The following ERICH6B variants were observed in gnomAD, a reference collection of about 807,000 sequenced individuals.
ERICH6B encodes glutamate rich 6B.
Under a neutral mutation model 80.0 loss-of-function variants are expected in ERICH6B, and 69 were observed. The ratio of observed to expected loss-of-function variants is 0.86; its 90% CI spans 0.71 to 1.05. ERICH6B has a LOEUF of 1.05. Among genes scored for constraint, ERICH6B ranks in the 50% least tolerant of loss-of-function variants. The pLI, the probability that ERICH6B is intolerant of heterozygous loss-of-function variation, is 0.00. For synonymous variants in ERICH6B, 283 were observed against 291.9 expected, an observed-to-expected ratio of 0.97 and a Z score of 0.31; for missense variants, 754 against 796.1, an observed-to-expected ratio of 0.95 and a Z score of 0.64.
At chr13:45,615,453 A>G (rs1214260938) in intron 1 of ERICH6B, among the ~76,000 whole-genome samples, 1 of 152,210 alleles carries the variant, frequency 6.6e-6, no homozygotes, top group East Asian at 1.9e-4. Flanking sequence ...CAATGGGAAG[A>G]AGCTGGGTCG....
chr13:45,574,720 A>G (rs747652), intron 8 of ERICH6B, 122 bp downstream of exon 8: 410,526 of 712,890 alleles, frequency 0.58, 123,526 homozygotes, highest in African/African-American at 0.84. Flanking sequence ...GGATATATGA[A>G]GCAAAAAGAA....
intron 2 of ERICH6B, among the ~76,000 whole-genome samples, chr13:45,598,458 C>T (rs74562144): frequency 0.015 from 2,330 of 152,216 alleles, 28 homozygotes; most frequent in Non-Finnish European, 0.026. Flanking sequence ...CTTCTGCTTG[C>T]TTTGGGGACT....
intron 2 of ERICH6B, among the ~76,000 whole-genome samples, chr13:45,604,275 T>C (rs1229096729): frequency 6.6e-6 from 1 of 152,242 alleles, no homozygotes; most frequent in African/African-American, 2.4e-5. Flanking sequence ...ATCCAAATAA[T>C]TTTTCATTGA....
rs1182282893 is a variant in ERICH6B, at chr13:45,568,446, CA to C, written c.1055del (p.Leu352Ter). 6.6e-7 allele frequency: 1 copy of C among 1,506,558 alleles called. No individual in the cohort carries two copies. The highest frequency in any genetic ancestry group is 2.4e-5 in the Admixed American group (1 of 40,934). The allele number at this position is 1,506,558 out of a possible 1,614,324, so 93.3% of individuals were successfully genotyped here. A position where few individuals can be genotyped will look rare whatever the true frequency, so the allele number is the denominator to read the frequency against. Reference protein sequence around the residue: ...LEVEDLDENFLNSSYQTVFKT... With the variant: ...LEVEDLDENFXNSSYQTVFKT... ...TAAATACTGTCTGATAGGAGCTGTT[CA>C]AAAACTACAAAAGGATCAAAGAATG... On this transcript the variant is annotated frameshift_variant, in exon 9 of 15. Transcript: ENST00000298738. LOFTEE classifies it high-confidence loss of function.
intron 5 of ERICH6B, 91 bp downstream of exon 5, chr13:45,586,972 C>G (rs955390713): frequency 7.4e-7 from 1 of 1,347,456 alleles, no homozygotes; most frequent in Admixed American, 2.6e-5. Context: ...AGGCAATACT[C>G]GAGCCACAAT....
intron 5 of ERICH6B, among the ~76,000 whole-genome samples, chr13:45,583,667 C>T (rs1039436414): frequency 6.6e-6 from 1 of 152,154 alleles, no homozygotes; most frequent in African/African-American, 2.4e-5. Context: ...CGGTTTCCCC[C>T]ATACTGTTCT....
At chr13:45,611,047 A>G (rs910720528) in intron 1 of ERICH6B, among the ~76,000 whole-genome samples, 1 of 152,144 alleles carries the variant, frequency 6.6e-6, no homozygotes, top group Non-Finnish European at 1.5e-5. Flanking sequence ...TAGTTAATGA[A>G]GCAATTTCAT....
chr13:45,551,749 A>C (rs1034131262), intron 11 of ERICH6B: 3 of 152,248 alleles, frequency 2.0e-5, no homozygotes, highest in Admixed American at 2.0e-4. Context: ...CCTCATCAGT[A>C]GATTAATAAT....
At chr13:45,557,455 T>C (rs1207985682) in intron 11 of ERICH6B, among the ~76,000 whole-genome samples, 1 of 152,216 alleles carries the variant, frequency 6.6e-6, no homozygotes, top group African/African-American at 2.4e-5. Flanking sequence ...GCTATTTATC[T>C]TGGTTTTTAT....
At chr13:45,602,720 A>C (rs895130932) in intron 2 of ERICH6B, among the ~76,000 whole-genome samples, 5 of 152,038 alleles carry the variant, frequency 3.3e-5, no homozygotes, top group African/African-American at 1.2e-4. Flanking sequence ...CTTCTCTTTC[A>C]TTCTCACCCA....
At chr13:45,562,138 CT>C (rs1438084822) in intron 10 of ERICH6B, among the ~76,000 whole-genome samples, 1 of 152,214 alleles carries the variant, frequency 6.6e-6, no homozygotes, top group African/African-American at 2.4e-5. Context: ...CCCTGGCTCA[CT>C]GCAACCTCTG....
chr13:45,585,800 C>T (rs2985949), intron 5 of ERICH6B, among the ~76,000 whole-genome samples: 2,192 of 152,302 alleles, frequency 0.014, 63 homozygotes, highest in Admixed American at 0.073. Context: ...ATTACAACCT[C>T]AATGAAATGC....
Position 45,544,949 on chromosome 13 carries a change from G to C in ERICH6B, c.1683C>G (p.Pro561=). Residue 561 remains proline (P), a synonymous_variant, in exon 14 of 15, where the codon CCC becomes CCG. Transcript: ENST00000298738. The part of the protein sequence containing the change: ...NLSSNLGYYF[P]KDKRQKAWNW... ...TCCAGGCCTTCTGGCGTTTGTCTTTGGGGAAGTAGTAGCCCAGGTTGGAGC... is the reference window on the plus strand; with the variant it reads ...TCCAGGCCTTCTGGCGTTTGTCTTTCGGGAAGTAGTAGCCCAGGTTGGAGC... The C allele has an allele frequency of 6.4e-7, 1 of 1,551,384 alleles. No homozygotes were observed.
chr13:45,579,950 T>G lies in ERICH6B; in HGVS notation c.944A>C (p.Gln315Pro). The G allele has an allele frequency of 1.0e-5, 16 of 1,551,608 alleles. No homozygotes were observed. Among genetic ancestry groups the G allele is most frequent in the Non-Finnish European group, 1.0e-5 (12 of 1,146,944 alleles). ...ATGCTCACCATTTTCTTCCTTTTTT[T>G]GCTGTACTTTAGTGTTAACATGCTC... ...PEEHVNTKVQ[Q>P]KKEENVLEFA... Residue 315 changes from glutamine (Q) to proline (P), a missense_variant, in exon 7 of 15, where the codon CAA becomes CCA. Physicochemically the swap from Gln to Pro is moderately conservative, Grantham distance 76 (BLOSUM62 -1). Coordinates refer to ENST00000298738, the MANE Select transcript of ERICH6B (RefSeq NM_182542.3).
intron 4 of ERICH6B, among the ~76,000 whole-genome samples, chr13:45,587,877 G>C (rs1479473566): frequency 6.6e-6 from 1 of 152,202 alleles, no homozygotes; most frequent in Non-Finnish European, 1.5e-5. Flanking sequence ...TCCTTGGGGT[G>C]TCTTGGCCCT....
At chr13:45,575,956 G>A (rs2137995216) in intron 7 of ERICH6B, among the ~76,000 whole-genome samples, 1 of 152,298 alleles carries the variant, frequency 6.6e-6, no homozygotes, top group South Asian at 2.1e-4. Flanking sequence ...AGCTTCTGAT[G>A]ACACCAGCCC....
At chr13:45,598,437 G>A (rs980262683) in intron 2 of ERICH6B, among the ~76,000 whole-genome samples, 6 of 152,054 alleles carry the variant, frequency 3.9e-5, no homozygotes, top group African/African-American at 9.7e-5. Flanking sequence ...AGAGGCAACC[G>A]GACCAGAATC....
intron 1 of ERICH6B, among the ~76,000 whole-genome samples, chr13:45,610,403 G>GA (rs1196568970): frequency 6.6e-6 from 1 of 152,006 alleles, no homozygotes; most frequent in African/African-American, 2.4e-5. Context: ...AACTATCTTT[G>GA]AAAATCCCTA....
intron 5 of ERICH6B, among the ~76,000 whole-genome samples, chr13:45,582,184 C>A (rs558345736): frequency 1.3e-5 from 2 of 152,300 alleles, no homozygotes; most frequent in Non-Finnish European, 2.9e-5. Flanking sequence ...TCTGTTGAGC[C>A]CCCACCAAGC....
Sources: gnomAD v4.1 joint callset for allele counts (sites outside exome capture counted in the v4.1 genomes callset) on GRCh38, gnomAD v4.1.1 for gene constraint, MANE v1.5 for transcripts, NCBI Gene and HGNC (gene_info 2026-07-23, HGNC 2026-07-21) for gene names.